Variants in MTX2 observed in about 807,000 individuals in gnomAD.
MTX2 encodes the protein metaxin-2.
In MTX2, 35 loss-of-function variants were observed where a neutral mutation model predicts 42.3. The observed-to-expected ratio is 0.83, with a 90% CI of 0.63 to 1.10. MTX2 has a LOEUF of 1.10. Among genes scored for constraint, MTX2 ranks in the 50% least tolerant of loss-of-function variants. The pLI, the probability that MTX2 is intolerant of heterozygous loss-of-function variation, is 0.00. For missense variants in MTX2, 307 were observed against 304.1 expected, an observed-to-expected ratio of 1.01 and a Z score of -0.07; for synonymous variants, 119 against 100.9, an observed-to-expected ratio of 1.18 and a Z score of -1.08.
At chr2:176,297,122 A>G (rs1033212334) in intron 2 of MTX2, among the ~76,000 whole-genome samples, 2 of 152,138 alleles carry the variant, frequency 1.3e-5, no homozygotes, top group Admixed American at 6.6e-5. Context: ...TTGACTCATT[A>G]TATTGGCTGC....
intron 4 of MTX2, among the ~76,000 whole-genome samples, chr2:176,323,813 C>G (rs1684642301): frequency 6.6e-6 from 1 of 151,556 alleles, no homozygotes; most frequent in Admixed American, 6.6e-5. Flanking sequence ...AATAATGAAT[C>G]CATTTATTAT....
chr2:176,318,891 C>T (rs1021595987), intron 3 of MTX2, among the ~76,000 whole-genome samples: 2 of 152,166 alleles, frequency 1.3e-5, no homozygotes, highest in Non-Finnish European at 2.9e-5. Flanking sequence ...ACTAGCCACA[C>T]GTGCCTGTTG....
intron 1 of MTX2, among the ~76,000 whole-genome samples, chr2:176,294,562 A>G (rs1683806151): frequency 6.6e-6 from 1 of 152,258 alleles, no homozygotes; most frequent in Non-Finnish European, 1.5e-5. Context: ...GGCGTGAGCC[A>G]TGGCACCCAG....
intron 1 of MTX2, among the ~76,000 whole-genome samples, chr2:176,289,046 A>G (rs1336158486): frequency 2.6e-5 from 4 of 152,098 alleles, no homozygotes; most frequent in African/African-American, 4.8e-5. Context: ...ACTTACGGGT[A>G]TACTTATGTG....
In MTX2 at chr2:176,308,460, G is replaced by A. The variant is rs560392660; in HGVS notation, c.135+10565G>A. ...TTCCCTGTTTGGAATAGTTTGAGAAGCAATGGTCCCAGCTCCTCTTTTTAC... is the reference window on the plus strand; with the variant it reads ...TTCCCTGTTTGGAATAGTTTGAGAAACAATGGTCCCAGCTCCTCTTTTTAC... On this transcript the variant is annotated intron_variant, in intron 3 of 9. Transcript: ENST00000249442. Among the ~76,000 whole-genome samples, 4 of 152,194 alleles carry A rather than the reference G, an allele frequency of 2.6e-5. No individual in the cohort carries two copies. In the South Asian group the frequency reaches 6.2e-4, roughly 24 times the overall value.
At chr2:176,298,138 CTT>C (rs1683936861) in intron 3 of MTX2, among the ~76,000 whole-genome samples, 1 of 149,238 alleles carries the variant, frequency 6.7e-6, no homozygotes, top group Non-Finnish European at 1.5e-5. Context: ...TTAGAAATCA[CTT>C]TTATGTGGTA....
chr2:176,319,235 A>G (rs1328061290), intron 3 of MTX2, among the ~76,000 whole-genome samples: 1 of 152,196 alleles, frequency 6.6e-6, no homozygotes, highest in Non-Finnish European at 1.5e-5. Context: ...AAGAAAATAT[A>G]TTTTAGATGA....
intron 9 of MTX2, among the ~76,000 whole-genome samples, chr2:176,336,296 A>G (rs1303557601): frequency 6.6e-6 from 1 of 152,160 alleles, no homozygotes; most frequent in African/African-American, 2.4e-5. Context: ...TTAGTAATAT[A>G]TAATTACAGA....
At chr2:176,337,460 A>G (rs996752336) in intron 9 of MTX2, 33 bp from the exon 10 acceptor site, 1 of 1,526,118 alleles carries the variant, frequency 6.6e-7, no homozygotes, top group Non-Finnish European at 8.9e-7. Context: ...GTTAAATGCT[A>G]CTTACTCACA....
chr2:176,297,245 G>A (rs1683909393), intron 2 of MTX2, among the ~76,000 whole-genome samples: 1 of 152,120 alleles, frequency 6.6e-6, no homozygotes, highest in Admixed American at 6.6e-5. Flanking sequence ...TCAGTAAAAA[G>A]GAACTGTTAA....
intron 3 of MTX2, among the ~76,000 whole-genome samples, chr2:176,302,126 GTTT>G (rs80143449): frequency 8.0e-6 from 1 of 125,256 alleles, no homozygotes. Flanking sequence ...AAAAGCTGGT[GTTT>G]TTTTTTTTTT....
intron 3 of MTX2, 37 bp downstream of exon 3, chr2:176,297,932 C>T (rs1558931594): frequency 6.8e-7 from 1 of 1,476,044 alleles, no homozygotes. Flanking sequence ...TTTTCACCCC[C>T]TAGGTGGTTT....
intron 9 of MTX2, among the ~76,000 whole-genome samples, chr2:176,331,323 C>T (rs183004107): frequency 1.6e-3 from 237 of 151,136 alleles, no homozygotes; most frequent in Non-Finnish European, 2.8e-3. Flanking sequence ...AATCAGCTGT[C>T]CTGTGATCCA....
chr2:176,293,548 C>T (rs899231138), intron 1 of MTX2, among the ~76,000 whole-genome samples: 1 of 152,130 alleles, frequency 6.6e-6, no homozygotes, highest in African/African-American at 2.4e-5. Flanking sequence ...TCTGTGTTCA[C>T]ATGAGATCTG....
intron 1 of MTX2, among the ~76,000 whole-genome samples, chr2:176,291,427 G>T (rs1379473821): frequency 2.0e-5 from 3 of 152,158 alleles, no homozygotes; most frequent in Admixed American, 1.3e-4. Flanking sequence ...TTCTAGGGAT[G>T]AAATGGTAAG....
intron 1 of MTX2, among the ~76,000 whole-genome samples, chr2:176,295,553 A>G (rs938466127): frequency 7.2e-5 from 11 of 152,210 alleles, no homozygotes; most frequent in Non-Finnish European, 1.5e-4. Flanking sequence ...GACAGCATAC[A>G]AAACTATGTG....
intron 3 of MTX2, among the ~76,000 whole-genome samples, chr2:176,299,402 A>G (rs146695070): frequency 0.013 from 1,895 of 149,096 alleles, 37 homozygotes; most frequent in African/African-American, 0.046. Context: ...AGAAGGGGGG[A>G]AAAAATAAAT....
chr2:176,286,769 G>A (rs1176010895), intron 1 of MTX2, among the ~76,000 whole-genome samples: 15 of 151,926 alleles, frequency 9.9e-5, no homozygotes, highest in African/African-American at 2.4e-4. Flanking sequence ...GGCTGGTCTC[G>A]AACTCCTGAC....
At chr2:176,298,057 G>T (rs1403838351) in intron 3 of MTX2, among the ~76,000 whole-genome samples, 162 bp downstream of exon 3, 2 of 151,304 alleles carry the variant, frequency 1.3e-5, no homozygotes, top group Non-Finnish European at 2.9e-5. Context: ...TCTTTGTGAA[G>T]AATAATTTTA....
Sources: gnomAD v4.1 joint callset for allele counts (sites outside exome capture counted in the v4.1 genomes callset) on GRCh38, gnomAD v4.1.1 for gene constraint, MANE v1.5 for transcripts, NCBI Gene and HGNC (gene_info 2026-07-23, HGNC 2026-07-21) for gene names.